Variants in BMS1 observed in about 807,000 individuals in gnomAD.
BMS1 encodes the protein BMS1 ribosome biogenesis factor.
BMS1 carries 53 observed loss-of-function variants against 138.7 expected under a neutral mutation model. The ratio of observed to expected loss-of-function variants is 0.38; its 90% CI spans 0.31 to 0.48. The LOEUF is 0.48. Among genes scored for constraint, BMS1 ranks in the 20% least tolerant of loss-of-function variants. The probability of loss-of-function intolerance (pLI) is 0.97; values close to 1 mark genes in which losing one functional copy is unlikely to be tolerated. For missense variants in BMS1, 1,360 were observed against 1,565.5 expected (o/e 0.87, Z 2.22); for synonymous variants, 504 against 539.9 (o/e 0.93, Z 0.92).
At chr10:42,828,536 C>T (rs1248199615) in intron 21 of BMS1, among the ~76,000 whole-genome samples, 3 of 149,914 alleles carry the variant, frequency 2.0e-5, no homozygotes, top group South Asian at 2.1e-4. Flanking sequence ...GGGAGCACAG[C>T]GGCTTGGCCT....
At position 42,831,469 on chromosome 10, in the gene BMS1, T is replaced by C. The variant is rs1842798440; in HGVS notation, c.*373T>C. Reference sequence around the variant, plus strand: ...ATTCTTTGTGGATAATTATTTATACTACCACCTTCATGAGGAGTCTTCCAG... The same window carrying C: ...ATTCTTTGTGGATAATTATTTATACCACCACCTTCATGAGGAGTCTTCCAG... On this transcript the variant is annotated 3_prime_UTR_variant, in exon 23 of 23. Coordinates refer to ENST00000374518, the MANE Select transcript of BMS1 (RefSeq NM_014753.4). 5.3e-6 allele frequency: 1 copy of C among 189,934 alleles called. No homozygotes were observed. The highest frequency in any genetic ancestry group is 2.4e-5 in the African/African-American group (1 of 42,238). The allele number at this position is 189,934 out of a possible 1,614,324, so 11.8% of individuals were successfully genotyped here.
intron 13 of BMS1, among the ~76,000 whole-genome samples, chr10:42,807,867 A>T (rs1393897477): frequency 2.6e-5 from 4 of 152,210 alleles, no homozygotes; most frequent in Admixed American, 6.5e-5. Flanking sequence ...GTTTCATAGG[A>T]GACTGCCAGA....
At chr10:42,783,804 C>T (rs1167496780) in intron 1 of BMS1, among the ~76,000 whole-genome samples, 3 of 152,092 alleles carry the variant, frequency 2.0e-5, no homozygotes, top group African/African-American at 7.2e-5. Flanking sequence ...TTTACAGAGT[C>T]AACAGGTACT....
intron 11 of BMS1, among the ~76,000 whole-genome samples, chr10:42,798,216 C>T (rs926431564): frequency 5.9e-5 from 9 of 152,190 alleles, no homozygotes; most frequent in Admixed American, 2.6e-4. Flanking sequence ...TCTCACTCCT[C>T]GGCCTCTTAG....
At chr10:42,790,653 A>T in intron 5 of BMS1, 142 bp downstream of exon 5, 2 of 943,452 alleles carry the variant, frequency 2.1e-6, no homozygotes, top group Non-Finnish European at 3.1e-6. Flanking sequence ...TAGAGTTTTG[A>T]GCTCAGGGCA....
intron 9 of BMS1, 41 bp downstream of exon 9, chr10:42,794,032 T>C (rs763424983): frequency 2.9e-5 from 47 of 1,596,138 alleles, no homozygotes; most frequent in Admixed American, 5.0e-5. Flanking sequence ...AAAGATGTAT[T>C]ACAAAAGATC....
chr10:42,784,407 G>A lies in BMS1; in HGVS notation c.13G>A (p.Asp5Asn). The change falls in exon 2 of 23, where the codon GAC becomes AAC. Residue 5 changes from aspartate (D) to asparagine (N), a missense_variant. Physicochemically the swap from Asp to Asn is conservative, Grantham distance 23. Coordinates refer to ENST00000374518, the MANE Select transcript of BMS1 (RefSeq NM_014753.4). ...GTAAATAGCCACTATGGAGGCTAAG[G>A]ACCAGAAGAAACACAGAAAGAAAAA... Reference protein sequence around the residue: MEAKDQKKHRKKNSG... With the variant: MEAKNQKKHRKKNSG... 1.2e-6 allele frequency: 2 copies of A among 1,607,406 alleles called. No homozygotes were observed. Among genetic ancestry groups the A allele is most frequent in the Non-Finnish European group, 1.7e-6 (2 of 1,179,312 alleles).
At position 42,831,247 on chromosome 10, in the gene BMS1, C is replaced by T. The variant is rs1842794617; in HGVS notation, c.*151C>T. On this transcript the variant is annotated 3_prime_UTR_variant, in exon 23 of 23. Coordinates refer to ENST00000374518, the MANE Select transcript of BMS1 (RefSeq NM_014753.4). ...GCCTGCAGGAGGAGGAACAGAGAAG[C>T]CTGGGCTGCTGGGACTGGGTTCATT... The T allele has an allele frequency of 1.2e-6, 1 of 825,714 alleles. No individual in the cohort carries two copies. The highest frequency in any genetic ancestry group is 1.7e-5 in the African/African-American group (1 of 57,700). The allele number at this position is 825,714 out of a possible 1,614,324, so 51.1% of individuals were successfully genotyped here.
At chr10:42,820,774 A>G (rs981739313) in intron 17 of BMS1, 86 bp downstream of exon 17, 48 of 1,508,932 alleles carry the variant, frequency 3.2e-5, no homozygotes, top group Non-Finnish European at 4.0e-5. Flanking sequence ...TTCTTTCATA[A>G]AATTCCACTC....
chr10:42,790,366 C>A lies in BMS1; in HGVS notation c.491C>A (p.Thr164Lys). 6.2e-7 allele frequency: 1 copy of A among 1,613,818 alleles called. No homozygotes were observed. Among genetic ancestry groups the A allele is most frequent in the Non-Finnish European group, 8.5e-7 (1 of 1,179,830 alleles). Residue 164 changes from threonine (T) to lysine (K), a missense_variant, in exon 5 of 23, where the codon ACG (threonine) becomes AAG (lysine). Thr to Lys is a moderately conservative substitution (Grantham distance 78). Coordinates refer to ENST00000374518, the MANE Select transcript of BMS1 (RefSeq NM_014753.4). ...GCCAGCTTTGGGTTTGAAATGGAAA[C>A]GTTTGAGTTTCTAAACATCTGTCAA... ...IDASFGFEME[T>K]FEFLNICQVH... is the part of the protein sequence containing the mutation.
chr10:42,809,310 T>C (rs923957316), intron 13 of BMS1, among the ~76,000 whole-genome samples: 16 of 152,344 alleles, frequency 1.1e-4, no homozygotes, highest in East Asian at 5.8e-4. Context: ...GGTTTTGTTT[T>C]GTTTTGTCTT....
At chr10:42,789,487 A>G (rs974589717) in intron 4 of BMS1, among the ~76,000 whole-genome samples, 2 of 152,230 alleles carry the variant, frequency 1.3e-5, no homozygotes, top group African/African-American at 4.8e-5. Context: ...AATTTCCAGG[A>G]ATCAATTCTG....
At chr10:42,801,473 T>G (rs543177451) in intron 12 of BMS1, among the ~76,000 whole-genome samples, 7 of 152,338 alleles carry the variant, frequency 4.6e-5, no homozygotes, top group African/African-American at 1.7e-4. Flanking sequence ...GCACTGTAGG[T>G]GGGTTCCAGT....
intron 13 of BMS1, among the ~76,000 whole-genome samples, chr10:42,808,270 TTTTATTTA>T (rs139357355): frequency 1.4e-5 from 2 of 147,690 alleles, no homozygotes; most frequent in Non-Finnish European, 3.0e-5. Context: ...AGTTTTTATT[TTTTATTTA>T]TTTATTTATT....
chr10:42,797,345 G>A (rs1841721820), intron 10 of BMS1, 77 bp from the exon 11 acceptor site: 5 of 1,583,422 alleles, frequency 3.2e-6, no homozygotes, highest in Non-Finnish European at 4.3e-6. Context: ...CTGTTGAAAA[G>A]CTGCATTGTG....
chr10:42,824,760 G>A (rs1269895378), intron 21 of BMS1, among the ~76,000 whole-genome samples: 5 of 152,068 alleles, frequency 3.3e-5, no homozygotes, highest in African/African-American at 1.2e-4. Flanking sequence ...TTACCATTGT[G>A]TTGTCTTGTT....
rs753225613 is a variant in BMS1 at position 42,830,825 on chromosome 10, CTG to C, written c.3619-40_3619-39del. Reference sequence around the variant, plus strand: ...TGCTTAGGATGCGAGTGTGTGGTGTCTGAGAGCATTCTGATACTCACCGGCTT... The same window carrying C: ...TGCTTAGGATGCGAGTGTGTGGTGTCAGAGCATTCTGATACTCACCGGCTT... On this transcript the variant is annotated intron_variant, in intron 22 of 22. Transcript: ENST00000374518. 6.5e-6 allele frequency: 10 copies of C among 1,545,504 alleles called. No individual in the cohort carries two copies. The East Asian group carries it at 2.1e-4, about 32-fold the overall frequency.
Position 42,830,808 on chromosome 10 carries a change from A to G in BMS1, c.3619-58A>G, listed in dbSNP as rs147835947. 3.6e-5 allele frequency: 52 copies of G among 1,438,850 alleles called. No individual in the cohort carries two copies. In the Middle Eastern group the frequency reaches 6.0e-4, roughly 17 times the overall value. The allele number at this position is 1,438,850 out of a possible 1,614,324, so 89.1% of individuals were successfully genotyped here. A position where few individuals can be genotyped will look rare whatever the true frequency, so the allele number is the denominator to read the frequency against. On this transcript the variant is annotated intron_variant, in intron 22 of 22. Coordinates refer to ENST00000374518, the MANE Select transcript of BMS1 (RefSeq NM_014753.4). ...GTTGCCTCTAGTCTTAGTGCTTAGGATGCGAGTGTGTGGTGTCTGAGAGCA... is the reference window on the plus strand; with the variant it reads ...GTTGCCTCTAGTCTTAGTGCTTAGGGTGCGAGTGTGTGGTGTCTGAGAGCA...
chr10:42,793,825 C>G (rs764465097), intron 8 of BMS1, 27 bp from the exon 9 acceptor site: 4 of 1,596,274 alleles, frequency 2.5e-6, no homozygotes, highest in Non-Finnish European at 3.4e-6. Context: ...GCTTTCCTCA[C>G]GTGCCCTTTC....
Sources: allele counts gnomAD v4.1 joint callset (sites outside exome capture counted in the v4.1 genomes callset), GRCh38; gene constraint gnomAD v4.1.1; transcripts MANE v1.5; gene names NCBI Gene and HGNC (gene_info 2026-07-23, HGNC 2026-07-21).